TENM3: variants seen among roughly 807,000 people sequenced by gnomAD.
TENM3 encodes teneurin transmembrane protein 3, also known as teneurin-3.
Under a neutral mutation model 255.1 loss-of-function variants are expected in TENM3, and 63 were observed. The ratio of observed to expected loss-of-function variants is 0.25; its 90% confidence interval spans 0.20 to 0.30. The LOEUF (loss-of-function observed/expected upper bound fraction) is 0.30, where lower values mean the gene tolerates loss of function less well. Ranked by LOEUF, TENM3 falls within the 10% of genes least tolerant of loss-of-function variation. TENM3 has a pLI of 1.00. For synonymous variants in TENM3, 1,306 were observed against 1,322.3 expected, an observed-to-expected ratio of 0.99 and a Z score of 0.27; for missense variants, 2,929 against 3,461.1, an observed-to-expected ratio of 0.85 and a Z score of 3.86.
chr4:182,139,888 A>G (rs775480733), upstream of TENM3, among the ~76,000 whole-genome samples: 1 of 152,230 alleles, frequency 6.6e-6, no homozygotes, highest in Non-Finnish European at 1.5e-5. Context: ...TCCCAATTAA[A>G]GGTTGCTTCG....
At chr4:181,855,360 G>T in the TENM3 span, among the ~76,000 whole-genome samples, 3 of 152,272 alleles carry the variant, frequency 2.0e-5, no homozygotes, top group African/African-American at 7.2e-5. Flanking sequence ...TCAAGTTTAA[G>T]ATTGGCATGT....
the TENM3 span, among the ~76,000 whole-genome samples, chr4:182,058,382 G>A: frequency 5.3e-5 from 8 of 152,012 alleles, no homozygotes; most frequent in Non-Finnish European, 1.0e-4. Context: ...TTACAAAAGC[G>A]TTAAGAAGAC....
At chr4:182,442,475 C>T (rs907275753) in intron 3 of TENM3, among the ~76,000 whole-genome samples, 1 of 152,204 alleles carries the variant, frequency 6.6e-6, no homozygotes, top group Non-Finnish European at 1.5e-5. Context: ...AACACCACTG[C>T]ACTAGTCACC....
chr4:181,650,941 CAAGTA>C, the TENM3 span, among the ~76,000 whole-genome samples: 2 of 152,186 alleles, frequency 1.3e-5, no homozygotes, highest in Non-Finnish European at 2.9e-5. Flanking sequence ...GATTGTTTCA[CAAGTA>C]AAGTCCTAAG....
chr4:182,424,365 T>C (rs1321470696), intron 3 of TENM3, among the ~76,000 whole-genome samples: 1 of 152,148 alleles, frequency 6.6e-6, no homozygotes, highest in Non-Finnish European at 1.5e-5. Flanking sequence ...CTTTCCCAGA[T>C]TTGAGTCTTT....
the TENM3 span, among the ~76,000 whole-genome samples, chr4:181,725,493 C>T: frequency 6.8e-6 from 1 of 147,604 alleles, no homozygotes; most frequent in Non-Finnish European, 1.5e-5. Context: ...CTCACTCTGT[C>T]ACCCAGGCTG....
At chr4:182,769,214 C>T (rs544767428) in intron 22 of TENM3, among the ~76,000 whole-genome samples, 45 of 152,196 alleles carry the variant, frequency 3.0e-4, no homozygotes, top group African/African-American at 9.6e-4. Context: ...GCTGGACATT[C>T]GTGGGTGCAT....
the TENM3 span, among the ~76,000 whole-genome samples, chr4:181,543,508 G>T: frequency 6.6e-6 from 1 of 152,180 alleles, no homozygotes; most frequent in African/African-American, 2.4e-5. Flanking sequence ...ATTTCTGAAG[G>T]TATTTTTTCC....
At chr4:182,236,734 C>T (rs927474005) in intron 1 of TENM3, among the ~76,000 whole-genome samples, 1 of 152,116 alleles carries the variant, frequency 6.6e-6, no homozygotes, top group Non-Finnish European at 1.5e-5. Flanking sequence ...CAAGCCTAAA[C>T]CTCAAAACAT....
chr4:182,629,382 G>A (rs899487551), intron 5 of TENM3, among the ~76,000 whole-genome samples: 1 of 152,088 alleles, frequency 6.6e-6, no homozygotes, highest in African/African-American at 2.4e-5. Context: ...CGTCCATAAA[G>A]CAATGAATGG....
At chr4:182,449,195 G>T in intron 3 of TENM3, 2 of 168,724 alleles carry the variant, frequency 1.2e-5, no homozygotes, top group Non-Finnish European at 2.4e-5. Context: ...CCGCGGCGGT[G>T]GCGGTGGCGG....
intron 12 of TENM3, among the ~76,000 whole-genome samples, chr4:182,703,265 A>G (rs559932564): frequency 6.6e-6 from 1 of 152,260 alleles, no homozygotes; most frequent in African/African-American, 2.4e-5. Flanking sequence ...TATCCAGGAA[A>G]TGTTAAATGA....
intron 5 of TENM3, among the ~76,000 whole-genome samples, chr4:182,638,570 C>T (rs1200717326): frequency 5.9e-5 from 9 of 152,176 alleles, no homozygotes; most frequent in African/African-American, 2.2e-4. Context: ...AGATCCACCT[C>T]TGTATAATAC....
At chr4:181,900,547 CT>C in the TENM3 span, among the ~76,000 whole-genome samples, 2 of 152,098 alleles carry the variant, frequency 1.3e-5, no homozygotes, top group African/African-American at 4.8e-5. Flanking sequence ...ACAGACATAC[CT>C]AGAGATTTAG....
intron 4 of TENM3, among the ~76,000 whole-genome samples, chr4:182,611,585 A>C (rs542776390): frequency 6.6e-6 from 1 of 152,264 alleles, no homozygotes; most frequent in African/African-American, 2.4e-5. Context: ...TAAGAACAAA[A>C]CCCACTAAAA....
intron 1 of TENM3, among the ~76,000 whole-genome samples, chr4:182,223,929 T>C (rs1755992864): frequency 6.6e-6 from 1 of 152,194 alleles, no homozygotes; most frequent in Non-Finnish European, 1.5e-5. Flanking sequence ...TAAAGTGATC[T>C]GTTGTGACTG....
chr4:182,366,948 G>A (rs141571723), intron 3 of TENM3, among the ~76,000 whole-genome samples: 52 of 152,148 alleles, frequency 3.4e-4, no homozygotes, highest in African/African-American at 9.6e-4. Flanking sequence ...CCTATATTAC[G>A]TATTTTGAGA....
At chr4:182,100,586 T>TACAC in the TENM3 span, among the ~76,000 whole-genome samples, 1 of 113,372 alleles carries the variant, frequency 8.8e-6, no homozygotes, top group Non-Finnish European at 1.7e-5. Flanking sequence ...CACATATATA[T>TACAC]ACACATATAT....
At chr4:182,350,925 T>C (rs936689084) in intron 3 of TENM3, among the ~76,000 whole-genome samples, 3 of 152,024 alleles carry the variant, frequency 2.0e-5, no homozygotes, top group Non-Finnish European at 4.4e-5. Context: ...CCTCGTGATC[T>C]GCCCGCCTCT....
Sources: gnomAD v4.1 joint callset for allele counts (sites outside exome capture counted in the v4.1 genomes callset) on GRCh38, gnomAD v4.1.1 for gene constraint, MANE v1.5 for transcripts, NCBI Gene and HGNC (gene_info 2026-07-23, HGNC 2026-07-21) for gene names.